The following NELL1 variants were observed in gnomAD, a reference collection of about 807,000 sequenced individuals.
The protein encoded by NELL1 is neural EGFL like 1.
A neutral mutation model predicts 107.4 loss-of-function variants in NELL1; 76 were observed. The observed-to-expected ratio is 0.71, with a 90% CI of 0.59 to 0.86. The LOEUF (loss-of-function observed/expected upper bound fraction) is 0.86, where lower values mean the gene tolerates loss of function less well. NELL1 is among the 40% of genes least tolerant of loss of function. The probability of loss-of-function intolerance (pLI) is 0.00; values close to 1 mark genes in which losing one functional copy is unlikely to be tolerated. For missense variants in NELL1, 1,024 were observed against 1,005.5 expected, an observed-to-expected ratio of 1.02 and a Z score of -0.25; for synonymous variants, 353 against 341.2, an observed-to-expected ratio of 1.03 and a Z score of -0.38.
At chr11:21,036,372 A>C (rs1853093100) in intron 12 of NELL1, among the ~76,000 whole-genome samples, 1 of 152,176 alleles carries the variant, frequency 6.6e-6, no homozygotes, top group African/African-American at 2.4e-5. Flanking sequence ...TCACAGAGCT[A>C]GAGAAAACTA....
At chr11:21,347,457 C>A (rs553405795) in intron 14 of NELL1, among the ~76,000 whole-genome samples, 2 of 152,040 alleles carry the variant, frequency 1.3e-5, no homozygotes, top group Non-Finnish European at 2.9e-5. Context: ...AAAAAATTAG[C>A]CGAGTGTGGT....
chr11:21,229,991 CCT>C (rs1438708977), intron 14 of NELL1, among the ~76,000 whole-genome samples: 2 of 152,124 alleles, frequency 1.3e-5, no homozygotes, highest in African/African-American at 4.8e-5. Flanking sequence ...ACAGCTGACA[CCT>C]CTCTTTCCTC....
chr11:21,528,048 A>G (rs1447159851), intron 15 of NELL1, among the ~76,000 whole-genome samples: 2 of 152,188 alleles, frequency 1.3e-5, no homozygotes, highest in African/African-American at 4.8e-5. Flanking sequence ...CTCAATATGA[A>G]CCATCACACT....
At chr11:20,877,651 C>T (rs1295304254) in intron 4 of NELL1, among the ~76,000 whole-genome samples, 1 of 152,162 alleles carries the variant, frequency 6.6e-6, no homozygotes, top group Non-Finnish European at 1.5e-5. Flanking sequence ...GAAGAAAATT[C>T]CTAATGTGAG....
At chr11:21,122,752 AG>A (rs1855397547) in intron 13 of NELL1, among the ~76,000 whole-genome samples, 1 of 152,208 alleles carries the variant, frequency 6.6e-6, no homozygotes, top group South Asian at 2.1e-4. Flanking sequence ...GAGTTGTTAA[AG>A]GATAAAGTGA....
At chr11:20,702,444 G>A (rs1590217331) in intron 2 of NELL1, among the ~76,000 whole-genome samples, 1 of 152,120 alleles carries the variant, frequency 6.6e-6, no homozygotes, top group Admixed American at 6.6e-5. Flanking sequence ...ATACAATCAT[G>A]TCATCTGCAA....
chr11:21,206,977 G>A (rs1188872535), intron 13 of NELL1, among the ~76,000 whole-genome samples: 1 of 152,172 alleles, frequency 6.6e-6, no homozygotes, highest in Non-Finnish European at 1.5e-5. Context: ...AGGACACTGT[G>A]GGGATGCCTA....
intron 12 of NELL1, among the ~76,000 whole-genome samples, chr11:20,985,533 A>C (rs984513729): frequency 6.6e-5 from 10 of 152,174 alleles, no homozygotes; most frequent in Admixed American, 6.5e-4. Context: ...GATGAGGGCA[A>C]TGTGCAGAGT....
chr11:20,771,415 G>A (rs978656342), intron 2 of NELL1, among the ~76,000 whole-genome samples: 1 of 152,180 alleles, frequency 6.6e-6, no homozygotes, highest in Non-Finnish European at 1.5e-5. Flanking sequence ...CCAGGGGTGG[G>A]AAGTCAGACA....
At chr11:21,392,248 T>G (rs1198214207) in intron 15 of NELL1, among the ~76,000 whole-genome samples, 1 of 151,766 alleles carries the variant, frequency 6.6e-6, no homozygotes, top group East Asian at 2.0e-4. Flanking sequence ...CTGAGGAATC[T>G]AACTGCTTTT....
chr11:21,142,187 G>C, intron 13 of NELL1, among the ~76,000 whole-genome samples: 1 of 152,110 alleles, frequency 6.6e-6, no homozygotes, highest in Admixed American at 6.5e-5. Context: ...CTACCAGCTG[G>C]GGGCGTCTGC....
At chr11:20,836,269 T>G in intron 3 of NELL1, among the ~76,000 whole-genome samples, 1 of 124,120 alleles carries the variant, frequency 8.1e-6, no homozygotes, top group Non-Finnish European at 1.7e-5. Flanking sequence ...ATGGGTAAAA[T>G]CCAAAAAAAA....
At chr11:21,360,770 A>C (rs1229959721) in intron 14 of NELL1, among the ~76,000 whole-genome samples, 1 of 152,152 alleles carries the variant, frequency 6.6e-6, no homozygotes, top group Admixed American at 6.6e-5. Context: ...GTTTTGTCTG[A>C]CATAATAATA....
At chr11:21,187,675 C>T (rs1408449067) in intron 13 of NELL1, among the ~76,000 whole-genome samples, 7 of 151,724 alleles carry the variant, frequency 4.6e-5, no homozygotes. Flanking sequence ...TCCAAGTTGT[C>T]TATGTGAATA....
intron 13 of NELL1, among the ~76,000 whole-genome samples, chr11:21,223,217 C>A (rs1413790544): frequency 1.8e-4 from 28 of 151,860 alleles, no homozygotes; most frequent in Admixed American, 1.8e-3. Flanking sequence ...GATGTAGTAA[C>A]ATTTGCTTTA....
intron 13 of NELL1, among the ~76,000 whole-genome samples, chr11:21,211,797 G>A (rs1055024164): frequency 1.5e-4 from 23 of 151,828 alleles, no homozygotes; most frequent in African/African-American, 4.8e-4. Flanking sequence ...ATAACTGCAC[G>A]GTTCTGCTGC....
At chr11:21,487,027 A>G (rs1259302389) in intron 15 of NELL1, among the ~76,000 whole-genome samples, 1 of 152,160 alleles carries the variant, frequency 6.6e-6, no homozygotes, top group Non-Finnish European at 1.5e-5. Flanking sequence ...CAAAGAGATA[A>G]TGAAGGGGTT....
At chr11:20,939,090 T>A (rs1394703524) in intron 10 of NELL1, among the ~76,000 whole-genome samples, 2 of 152,088 alleles carry the variant, frequency 1.3e-5, no homozygotes, top group South Asian at 2.1e-4. Flanking sequence ...AAGGTTATGA[T>A]TGAAGGCAGT....
chr11:20,720,204 T>TTG (rs1220301598), intron 2 of NELL1, among the ~76,000 whole-genome samples: 1 of 150,682 alleles, frequency 6.6e-6, no homozygotes, highest in Non-Finnish European at 1.5e-5. Flanking sequence ...TCATTCCTGT[T>TTG]TTTTTTTTTT....
Sources: allele counts gnomAD v4.1 joint callset (sites outside exome capture counted in the v4.1 genomes callset), GRCh38; gene constraint gnomAD v4.1.1; transcripts MANE v1.5; gene names NCBI Gene and HGNC (gene_info 2026-07-23, HGNC 2026-07-21).